PRR12: variants seen among roughly 807,000 people sequenced by gnomAD.
The protein encoded by PRR12 is proline-rich protein 12.
PRR12 carries 12 observed loss-of-function variants against 138.0 expected under a neutral mutation model. The ratio of observed to expected loss-of-function variants is 0.09; its 90% CI spans 0.06 to 0.14. The LOEUF (loss-of-function observed/expected upper bound fraction) is 0.14. Ranked by LOEUF, PRR12 falls within the 10% of genes least tolerant of loss-of-function variation. The pLI is 1.00. For missense variants in PRR12, 2,692 were observed against 2,861.3 expected (o/e 0.94, Z 1.35); for synonymous variants, 1,567 against 1,291.7 (o/e 1.21, Z -4.57).
rs113239205 is a variant in PRR12, at chr19:49,609,114, C to A, written c.4774-5419C>A. 4.4e-3 allele frequency among the ~76,000 whole-genome samples: 664 copies of A among 152,086 alleles called. 5 individuals carry two copies. Among genetic ancestry groups the A allele is most frequent in the African/African-American group, 0.016 (647 of 41,518 alleles). ...GAATCGCTTGCGCTCAGGAGTTCAA[C>A]ACCAGCCTAGTCAACATGGCGAAAT... On this transcript the variant is annotated intron_variant, in intron 6 of 13. Transcript: ENST00000418929.
At chr19:49,592,070 T>A (rs1426006097) in intron 1 of PRR12, among the ~76,000 whole-genome samples, 1 of 151,520 alleles carries the variant, frequency 6.6e-6, no homozygotes, top group East Asian at 2.0e-4. Flanking sequence ...CCCGGCTTGG[T>A]GACCCCTCCC....
chr19:49,603,449 G>A (rs1255563355), intron 6 of PRR12, among the ~76,000 whole-genome samples: 1 of 152,210 alleles, frequency 6.6e-6, no homozygotes, highest in Admixed American at 6.6e-5. Flanking sequence ...CCAGCACTTC[G>A]GGAGGCCAAG....
intron 6 of PRR12, among the ~76,000 whole-genome samples, chr19:49,608,664 C>T (rs906079507): frequency 2.6e-5 from 4 of 152,048 alleles, no homozygotes; most frequent in South Asian, 2.1e-4. Context: ...CCACCGCGCC[C>T]GGCCTCTACA....
Position 49,601,723 on chromosome 19 carries a change from T to A in PRR12, c.4578T>A (p.Pro1526=). ...PPPAAAPLAA[P]PEEPAAPSPE... Reference sequence around the variant, plus strand: ...CAGCCGCTGCCCCACTGGCTGCTCCTCCTGAGGAGCCCGCCGCCCCGTCTC... The same window carrying A: ...CAGCCGCTGCCCCACTGGCTGCTCCACCTGAGGAGCCCGCCGCCCCGTCTC... The change falls in exon 6 of 14, where the codon CCT becomes CCA. Residue 1526 remains proline (P), a synonymous_variant. Transcript: ENST00000418929. 1 of 1,544,578 alleles carries A rather than the reference T, an allele frequency of 6.5e-7. No homozygotes were observed. The highest frequency in any genetic ancestry group is 1.2e-5 in the South Asian group (1 of 84,054).
Position 49,599,937 on chromosome 19 carries a change from C to A in PRR12, c.4344C>A (p.Pro1448=). The A allele has an allele frequency of 6.3e-7, 1 of 1,596,602 alleles. No individual in the cohort carries two copies. The highest frequency in any genetic ancestry group is 8.5e-7 in the Non-Finnish European group (1 of 1,170,092). Residue 1448 remains proline (P), a splice_region_variant and synonymous_variant, in exon 5 of 14, where the codon CCC becomes CCA. Transcript: ENST00000418929. The surrounding 1 kb of genome is among the most constrained non-coding windows in gnomAD (Gnocchi z 5.0). ...CCAGTGCCAACAGCAATGGCACTCC[C>A]GGTGAGCTCTGGGCAGGTGGTCTGG... ...GLPSANSNGT[P]EPPLLEEKPP...
rs1491246279 is a variant in PRR12, at chr19:49,616,240, A to AG, written c.5497+24dup. 1 of 1,463,160 alleles carries AG rather than the reference A, an allele frequency of 6.8e-7. No individual in the cohort carries two copies. Among genetic ancestry groups the AG allele is most frequent in the African/African-American group, 1.4e-5 (1 of 70,444 alleles). 90.6% of individuals were successfully genotyped at this position (1,463,160 alleles called of 1,614,324 possible). Reference sequence around the variant, plus strand: ...GGACGGTGAGGCCCTAGGCAGCCTCAGGGCTGCAGGGGTGGGTGGGGAAGG... The same window carrying AG: ...GGACGGTGAGGCCCTAGGCAGCCTCAGGGGCTGCAGGGGTGGGTGGGGAAGG... On this transcript the variant is annotated intron_variant, in intron 9 of 13. Transcript: ENST00000418929. This position sits in a 1 kb window ranked among gnomAD's most constrained non-coding sequence, Gnocchi z 4.2.
chr19:49,621,897 A>T (rs1488596958), intron 11 of PRR12: 1 of 487,066 alleles, frequency 2.1e-6, no homozygotes, highest in South Asian at 2.4e-5. Flanking sequence ...GCAGCCAAAC[A>T]TAGACTAGGC....
Position 49,616,367 on chromosome 19 carries a change from C to T in PRR12, c.5497+148C>T, listed in dbSNP as rs2080893280. On this transcript the variant is annotated intron_variant, in intron 9 of 13. Transcript: ENST00000418929. The surrounding 1 kb of genome is among the most constrained non-coding windows in gnomAD (Gnocchi z 4.2). ...GCAGTAGCTCACAGTCACGGGGCAT[C>T]TCACTACACGACAGGCTGCCTCCTG... 4.5e-6 allele frequency: 3 copies of T among 664,858 alleles called. No homozygotes were observed. The highest frequency in any genetic ancestry group is 6.9e-6 in the Non-Finnish European group (3 of 431,874). The allele number at this position is 664,858 out of a possible 1,614,324, so 41.2% of individuals were successfully genotyped here.
At chr19:49,600,338 C>T (rs1275283914) in intron 5 of PRR12, among the ~76,000 whole-genome samples, 2 of 146,786 alleles carry the variant, frequency 1.4e-5, no homozygotes, top group South Asian at 2.2e-4. Flanking sequence ...TGGGGGTGGG[C>T]GGTGGAAGGG....
chr19:49,603,504 A>G (rs546700192), intron 6 of PRR12, among the ~76,000 whole-genome samples: 99 of 152,336 alleles, frequency 6.5e-4, no homozygotes, highest in African/African-American at 2.2e-3. Context: ...CAGCCTGGCC[A>G]ACATGGTGAA....
chr19:49,597,279 C>A lies in PRR12; in HGVS notation c.2944C>A (p.Pro982Thr). 3 of 1,564,726 alleles carry A rather than the reference C, an allele frequency of 1.9e-6. No individual in the cohort carries two copies. The highest frequency in any genetic ancestry group is 2.4e-5 in the East Asian group (1 of 42,356). Residue 982 changes from proline (P) to threonine (T), a missense_variant, in exon 4 of 14, where the codon CCC becomes ACC. By Grantham distance (38) the Pro-to-Thr change is conservative (BLOSUM62 -1). Coordinates refer to ENST00000418929, the MANE Select transcript of PRR12 (RefSeq NM_020719.3). The surrounding 1 kb of genome is among the most constrained non-coding windows in gnomAD (Gnocchi z 6.3). ...GDPKAGAGPP[P>T]GPPAYDPYGP... is the part of the protein sequence containing the mutation. Reference sequence around the variant, plus strand: ...CCCCAAGGCTGGCGCTGGGCCACCCCCCGGCCCCCCTGCTTATGATCCCTA... The same window carrying A: ...CCCCAAGGCTGGCGCTGGGCCACCCACCGGCCCCCCTGCTTATGATCCCTA...
At position 49,596,200 on chromosome 19, in the gene PRR12, C is replaced by T. The variant is rs774285479; in HGVS notation, c.1865C>T (p.Ser622Leu). The change falls in exon 4 of 14, where the codon TCG becomes TTG. Residue 622 changes from serine (S) to leucine (L), a missense_variant. Transcript: ENST00000418929. The surrounding 1 kb of genome is among the most constrained non-coding windows in gnomAD (Gnocchi z 5.6). ...GGCTACAAGGGCAAGGGGGATGGCT[C>T]GGAGCTGCTGGCGGGCCCAGGTGGG... The part of the protein sequence containing the change: ...AGGYKGKGDG[S>L]ELLAGPGGPP... The T allele has an allele frequency of 8.7e-6, 14 of 1,610,788 alleles. No individual in the cohort carries two copies. Among genetic ancestry groups the T allele is most frequent in the East Asian group, 4.5e-5 (2 of 44,882 alleles).
In PRR12 at chr19:49,595,790, C is replaced by T. The variant is rs2080763694; in HGVS notation, c.1455C>T (p.Gly485=). The T allele has an allele frequency of 1.3e-6, 2 of 1,596,402 alleles. No homozygotes were observed. The highest frequency in any genetic ancestry group is 1.7e-4 in the Middle Eastern group (1 of 6,008). ...YSGGPPQPPS[G]PPPPGLATCQ... ...GGGGCCCCCCACAGCCCCCCAGCGG[C>T]CCCCCTCCTCCTGGCCTGGCCACAT... The change falls in exon 4 of 14, where the codon GGC becomes GGT. Residue 485 remains glycine, a synonymous_variant. Transcript: ENST00000418929.
chr19:49,612,123 C>T (rs991121423), intron 6 of PRR12, among the ~76,000 whole-genome samples: 44 of 145,852 alleles, frequency 3.0e-4, no homozygotes, highest in African/African-American at 1.0e-3. Flanking sequence ...CCCAGCTATT[C>T]GGGAGGCTGA....
chr19:49,594,150 C>T lies in PRR12; in HGVS notation c.200-304C>T, dbSNP rs544773490. On this transcript the variant is annotated intron_variant, in intron 2 of 13. Coordinates refer to ENST00000418929, the MANE Select transcript of PRR12 (RefSeq NM_020719.3). The surrounding 1 kb of genome is among the most constrained non-coding windows in gnomAD (Gnocchi z 5.6). ...TCCCAGCCTTACTGAGGACTCTGTTCTTTTGCTCCTGGCTCTTTCGCTTCT... is the reference window on the plus strand; with the variant it reads ...TCCCAGCCTTACTGAGGACTCTGTTTTTTTGCTCCTGGCTCTTTCGCTTCT... Among the ~76,000 whole-genome samples the T allele has an allele frequency of 3.9e-5, 6 of 152,316 alleles. No individual in the cohort carries two copies. The highest frequency in any genetic ancestry group is 1.4e-4 in the African/African-American group (6 of 41,552).
rs1041660172 is a variant in PRR12, at chr19:49,597,485, G to A, written c.3150G>A (p.Ala1050=). The A allele has an allele frequency of 1.9e-6, 3 of 1,547,092 alleles. No homozygotes were observed. The highest frequency in any genetic ancestry group is 2.6e-6 in the Non-Finnish European group (3 of 1,147,302). Reference sequence around the variant, plus strand: ...CGCCTCCGCCACCGCCGCCTCCCGCGCCGGCCTCCGAACCCAAGGGTGGCC... The same window carrying A: ...CGCCTCCGCCACCGCCGCCTCCCGCACCGGCCTCCGAACCCAAGGGTGGCC... ...PPPPPPPPPP[A]PASEPKGGLT... is the part of the protein sequence containing the mutation. The change falls in exon 4 of 14, where the codon GCG becomes GCA. Residue 1050 remains alanine (A), a synonymous_variant. Transcript: ENST00000418929. The surrounding 1 kb of genome is among the most constrained non-coding windows in gnomAD (Gnocchi z 6.3).
Position 49,597,075 on chromosome 19 carries a change from C to G in PRR12, c.2740C>G (p.Arg914Gly). ...SEGKDPAGAYRSPSPQGTKAP... is the reference protein window; with the variant it reads ...SEGKDPAGAYGSPSPQGTKAP... ...GGGCAAGGATCCCGCAGGCGCCTAC[C>G]GCAGCCCCAGCCCGCAAGGCACCAA... Residue 914 changes from arginine to glycine, a missense_variant, in exon 4 of 14, where the codon CGC becomes GGC. Coordinates refer to ENST00000418929, the MANE Select transcript of PRR12 (RefSeq NM_020719.3). This position sits in a 1 kb window ranked among gnomAD's most constrained non-coding sequence, Gnocchi z 6.3. The G allele has an allele frequency of 6.4e-7, 1 of 1,552,684 alleles. No individual in the cohort carries two copies. The highest frequency in any genetic ancestry group is 8.7e-7 in the Non-Finnish European group (1 of 1,148,652).
Position 49,599,739 on chromosome 19 carries a change from G to T in PRR12, c.4146G>T (p.Ser1382=). ...TCGAGACGCTGCCCTCCTTCTCCTC[G>T]GATGAGGAAGACTCTGTCGCCAAGA... ...RNLETLPSFS[S]DEEDSVAKNR... is the part of the protein sequence containing the mutation. The change falls in exon 5 of 14, where the codon TCG becomes TCT. Residue 1382 remains serine (S), a synonymous_variant. Transcript: ENST00000418929. The surrounding 1 kb of genome is among the most constrained non-coding windows in gnomAD (Gnocchi z 5.0). The T allele has an allele frequency of 6.2e-7, 1 of 1,613,570 alleles. No homozygotes were observed. Among genetic ancestry groups the T allele is most frequent in the African/African-American group, 1.3e-5 (1 of 75,046 alleles).
chr19:49,606,003 T>C (rs2080836304), intron 6 of PRR12, among the ~76,000 whole-genome samples: 1 of 152,124 alleles, frequency 6.6e-6, no homozygotes, highest in South Asian at 2.1e-4. Context: ...TATTATTTTT[T>C]TTGTGTGTGT....
Sources: gnomAD v4.1 joint callset for allele counts (sites outside exome capture counted in the v4.1 genomes callset) on GRCh38, gnomAD v4.1.1 for gene constraint, Gnocchi (gnomAD v3.1) non-coding constraint, MANE v1.5 for transcripts, NCBI Gene and HGNC (gene_info 2026-07-23, HGNC 2026-07-21) for gene names.